The following GAB2 variants were observed in gnomAD, a reference collection of about 807,000 sequenced individuals.
GAB2 encodes GRB2 associated binding protein 2.
Under a neutral mutation model 65.5 loss-of-function variants are expected in GAB2, and 26 were observed. The ratio of observed to expected loss-of-function variants is 0.40; its 90% CI spans 0.29 to 0.55. The LOEUF (loss-of-function observed/expected upper bound fraction) is 0.55, where lower values mean the gene tolerates loss of function less well. GAB2 is among the 20% of genes least tolerant of loss of function. The probability of loss-of-function intolerance (pLI) is 0.53; values close to 1 mark genes in which losing one functional copy is unlikely to be tolerated. For missense variants in GAB2, 884 were observed against 875.8 expected, an observed-to-expected ratio of 1.01 and a Z score of -0.12; for synonymous variants, 321 against 329.6, an observed-to-expected ratio of 0.97 and a Z score of 0.28.
intron 1 of GAB2, among the ~76,000 whole-genome samples, chr11:78,286,294 A>G (rs1866479613): frequency 2.0e-5 from 3 of 152,050 alleles, no homozygotes; most frequent in Non-Finnish European, 4.4e-5. Context: ...GAGAATTTCT[A>G]TGTTCTCTCA....
intron 1 of GAB2, among the ~76,000 whole-genome samples, chr11:78,381,208 C>T (rs560173066): frequency 1.2e-4 from 19 of 152,332 alleles, no homozygotes; most frequent in African/African-American, 3.6e-4. Flanking sequence ...TGTCCCATCT[C>T]CCATCCATCT....
intron 2 of GAB2, among the ~76,000 whole-genome samples, chr11:78,252,545 G>T (rs879329033): frequency 3.3e-5 from 5 of 152,062 alleles, no homozygotes; most frequent in Non-Finnish European, 7.4e-5. Flanking sequence ...TTGTCTCGTT[G>T]GACTCCTCTT....
chr11:78,288,722 T>C (rs1866563318), intron 1 of GAB2, among the ~76,000 whole-genome samples: 1 of 152,178 alleles, frequency 6.6e-6, no homozygotes, highest in South Asian at 2.1e-4. Flanking sequence ...TATTCATGGA[T>C]TGGACAACTC....
intron 5 of GAB2, among the ~76,000 whole-genome samples, chr11:78,224,378 G>C (rs1864559922): frequency 6.6e-6 from 1 of 152,058 alleles, no homozygotes; most frequent in African/African-American, 2.4e-5. Flanking sequence ...GAGCATATTA[G>C]GAGTCCTGGC....
At chr11:78,317,453 G>A (rs112632653) in intron 1 of GAB2, among the ~76,000 whole-genome samples, 10,654 of 151,470 alleles carry the variant, frequency 0.07, 1,223 homozygotes, top group African/African-American at 0.24. Context: ...CCAGCCACTC[G>A]GGAGGCTGAA....
intron 3 of GAB2, among the ~76,000 whole-genome samples, chr11:78,229,653 T>C (rs1864782204): frequency 6.6e-6 from 1 of 152,182 alleles, no homozygotes; most frequent in African/African-American, 2.4e-5. Context: ...AGTGTAAACA[T>C]TTTCAACACC....
At chr11:78,349,902 T>C (rs929029167) in intron 1 of GAB2, among the ~76,000 whole-genome samples, 42 of 149,748 alleles carry the variant, frequency 2.8e-4, no homozygotes, top group African/African-American at 9.4e-4. Flanking sequence ...AACAGGCGAA[T>C]GGATCACAGA....
At position 78,267,994 on chromosome 11, in the gene GAB2, C is replaced by T. The variant is rs561728559; in HGVS notation, c.376+12607G>A. Among the ~76,000 whole-genome samples, 26 of 151,724 alleles carry T rather than the reference C, an allele frequency of 1.7e-4. 1 individual carries two copies. Among genetic ancestry groups the T allele is most frequent in the Admixed American group, 3.9e-4 (6 of 15,226 alleles). On this transcript the variant is annotated intron_variant, in intron 2 of 9. Transcript: ENST00000361507. ...TATGGACTGATAAAAATTTCTGTAG[C>T]GCAGCCCTGCAGGTCCCTGTTTTGA...
Position 78,373,603 on chromosome 11 carries a change from C to T in GAB2, c.75+44043G>A, listed in dbSNP as rs182046509. On this transcript the variant is annotated intron_variant, in intron 1 of 9. Transcript: ENST00000361507. The stretch of plus-strand genomic sequence containing the variant: ...AACAAAAAAGGTCAAAGTTTCTAAA[C>T]GTAGAGATAAAAATAACACATTGAA... 8.3e-4 allele frequency among the ~76,000 whole-genome samples: 126 copies of T among 152,190 alleles called. 1 individual carries two copies. Among genetic ancestry groups the T allele is most frequent in the African/African-American group, 2.7e-3 (112 of 41,528 alleles).
chr11:78,405,834 T>A (rs1270269255), intron 1 of GAB2, among the ~76,000 whole-genome samples: 1 of 152,134 alleles, frequency 6.6e-6, no homozygotes, highest in Admixed American at 6.5e-5. Context: ...AACACCAACC[T>A]GTGTAGACCA....
At chr11:78,388,218 G>T (rs1394401770) in intron 1 of GAB2, 5 of 152,026 alleles carry the variant, frequency 3.3e-5, no homozygotes, top group South Asian at 2.1e-4. Context: ...TAGAGACGGG[G>T]TTTTTTTGCC....
chr11:78,373,977 ATGGTT>A (rs1856603604), intron 1 of GAB2, among the ~76,000 whole-genome samples: 1 of 152,248 alleles, frequency 6.6e-6, no homozygotes, highest in Non-Finnish European at 1.5e-5. Flanking sequence ...CTAAGTGAAG[ATGGTT>A]TACCCTGGAA....
intron 1 of GAB2, among the ~76,000 whole-genome samples, chr11:78,368,422 C>G (rs1283468438): frequency 6.6e-6 from 1 of 152,048 alleles, no homozygotes; most frequent in African/African-American, 2.4e-5. Context: ...TTATCCTGGA[C>G]AAAAAAATTT....
chr11:78,387,123 C>G (rs1186377137), intron 1 of GAB2, among the ~76,000 whole-genome samples: 1 of 152,148 alleles, frequency 6.6e-6, no homozygotes, highest in Non-Finnish European at 1.5e-5. Context: ...CTCACTGTAG[C>G]CTAGAGCTGC....
rs1217579798 is a variant in GAB2 at position 78,343,663 on chromosome 11, A to G, written c.76-62762T>C. Among the ~76,000 whole-genome samples, 3 of 152,228 alleles carry G rather than the reference A, an allele frequency of 2.0e-5. No individual in the cohort carries two copies. In the East Asian group the frequency reaches 5.8e-4, roughly 29 times the overall value. On this transcript the variant is annotated intron_variant, in intron 1 of 9. Transcript: ENST00000361507. Reference sequence around the variant, plus strand: ...GCTGCTTCTTGGGAATTACAGCAGCACTGTCAAATACAAATGTAGCGTGAG... The same window carrying G: ...GCTGCTTCTTGGGAATTACAGCAGCGCTGTCAAATACAAATGTAGCGTGAG...
At chr11:78,283,734 C>G (rs935969815) in intron 1 of GAB2, among the ~76,000 whole-genome samples, 1 of 152,134 alleles carries the variant, frequency 6.6e-6, no homozygotes, top group African/African-American at 2.4e-5. Flanking sequence ...ATTCCATCCT[C>G]TTTGAAACAC....
rs553109046 is a variant in GAB2 at position 78,276,810 on chromosome 11, T to A, written c.376+3791A>T. Among the ~76,000 whole-genome samples, 223 of 151,844 alleles carry A rather than the reference T, an allele frequency of 1.5e-3. 4 individuals are homozygous for A. The East Asian group carries it at 0.039, about 26-fold the overall frequency. ...CTTTTAAATATGTGATTTTTATTTA[T>A]TTTATTTATTTATTTATTTATTTTT... On this transcript the variant is annotated intron_variant, in intron 2 of 9. Coordinates refer to ENST00000361507, the MANE Select transcript of GAB2 (RefSeq NM_080491.3).
chr11:78,271,100 C>T (rs1865998177), intron 2 of GAB2, among the ~76,000 whole-genome samples: 1 of 152,182 alleles, frequency 6.6e-6, no homozygotes, highest in South Asian at 2.1e-4. Flanking sequence ...GCTTTCCTAA[C>T]AGGGGTTGAC....
chr11:78,289,747 G>A (rs1236763586), intron 1 of GAB2, among the ~76,000 whole-genome samples: 1 of 150,010 alleles, frequency 6.7e-6, no homozygotes, highest in Non-Finnish European at 1.5e-5. Context: ...GAGAGAGAAG[G>A]AGCAATGAAC....
Sources: allele counts gnomAD v4.1 joint callset (sites outside exome capture counted in the v4.1 genomes callset), GRCh38; gene constraint gnomAD v4.1.1; transcripts MANE v1.5; gene names NCBI Gene and HGNC (gene_info 2026-07-23, HGNC 2026-07-21).